Variants in PTCHD4 observed in about 807,000 individuals in gnomAD.
The protein encoded by PTCHD4 is patched domain-containing protein 4.
In PTCHD4, 33 loss-of-function variants were observed where a neutral mutation model predicts 58.1. The ratio of observed to expected loss-of-function variants is 0.57; its 90% CI spans 0.43 to 0.76. PTCHD4 has a LOEUF of 0.76. Among genes scored for constraint, PTCHD4 ranks in the 30% least tolerant of loss-of-function variants. The pLI, the probability that PTCHD4 is intolerant of heterozygous loss-of-function variation, is 0.00. For missense variants in PTCHD4, 1,058 were observed against 1,027.1 expected, an observed-to-expected ratio of 1.03 and a Z score of -0.41; for synonymous variants, 478 against 409.6, an observed-to-expected ratio of 1.17 and a Z score of -2.02.
intron 4 of PTCHD4, among the ~76,000 whole-genome samples, chr6:47,931,065 G>A (rs1310587659): frequency 6.6e-5 from 10 of 152,206 alleles, no homozygotes; most frequent in South Asian, 4.1e-4. Context: ...GATTACAGGC[G>A]TGAGCCACCG....
rs1029256423 is a variant in PTCHD4, at chr6:48,069,551, C to G, written c.-594G>C. On this transcript the variant is annotated 5_prime_UTR_variant, in exon 2 of 5. Coordinates refer to ENST00000339488, the MANE Select transcript of PTCHD4 (RefSeq NM_001384253.1). ...CGCTGTGATTCCACAGACCAGTCCG[C>G]TGCAGCTGAGGGCTGCGGAGACTCC... is the stretch of plus-strand genomic sequence containing the variant. Among the ~76,000 whole-genome samples, 2 of 152,208 alleles carry G rather than the reference C, an allele frequency of 1.3e-5. No individual in the cohort carries two copies. Among genetic ancestry groups the G allele is most frequent in the African/African-American group, 4.8e-5 (2 of 41,454 alleles).
chr6:47,862,260 G>T lies in PTCHD4; in HGVS notation c.*16043C>A, dbSNP rs1581793459. 1.3e-5 allele frequency among the ~76,000 whole-genome samples: 2 copies of T among 151,304 alleles called. No homozygotes were observed. Among genetic ancestry groups the T allele is most frequent in the South Asian group, 2.1e-4 (1 of 4,806 alleles). On this transcript the variant is annotated 3_prime_UTR_variant, in exon 5 of 5. Coordinates refer to ENST00000339488, the MANE Select transcript of PTCHD4 (RefSeq NM_001384253.1). ...TATGGCTTTTTTTTTAATATCTTGG[G>T]TCTGGCGTATATCATAGTTTAGTAG...
intron 3 of PTCHD4, among the ~76,000 whole-genome samples, chr6:48,037,360 C>T (rs1376288298): frequency 6.6e-6 from 1 of 152,164 alleles, no homozygotes; most frequent in Non-Finnish European, 1.5e-5. Flanking sequence ...TCTGACGTTT[C>T]ATGCATCCAC....
intron 4 of PTCHD4, among the ~76,000 whole-genome samples, chr6:47,892,889 G>T (rs1415171138): frequency 2.0e-5 from 3 of 152,188 alleles, no homozygotes; most frequent in Non-Finnish European, 4.4e-5. Flanking sequence ...TGAAGCCAAT[G>T]GAAAACCAGT....
At chr6:48,012,729 T>C (rs1371706050) in intron 3 of PTCHD4, among the ~76,000 whole-genome samples, 1 of 152,228 alleles carries the variant, frequency 6.6e-6, no homozygotes, top group Non-Finnish European at 1.5e-5. Flanking sequence ...ATAGCTCTTA[T>C]TGTTTTGAGA....
intron 4 of PTCHD4, among the ~76,000 whole-genome samples, chr6:47,881,843 A>G (rs913736144): frequency 1.3e-5 from 2 of 152,134 alleles, no homozygotes; most frequent in Admixed American, 6.6e-5. Flanking sequence ...TTATTCTTCA[A>G]AGCTGTCTCT....
At position 48,068,773 on chromosome 6, in the gene PTCHD4, C is replaced by T. The variant is rs976156924; in HGVS notation, c.6-132G>A. 3 of 792,864 alleles carry T rather than the reference C, an allele frequency of 3.8e-6. No homozygotes were observed. Among genetic ancestry groups the T allele is most frequent in the African/African-American group, 3.5e-5 (2 of 57,196 alleles). 49.1% of individuals were successfully genotyped at this position (792,864 alleles called of 1,614,324 possible). A position where few individuals can be genotyped will look rare whatever the true frequency, so the allele number is the denominator to read the frequency against. On this transcript the variant is annotated intron_variant, in intron 2 of 4. Coordinates refer to ENST00000339488, the MANE Select transcript of PTCHD4 (RefSeq NM_001384253.1). This position sits in a 1 kb window ranked among gnomAD's most constrained non-coding sequence, Gnocchi z 4.2. ...CTCCGCGCTCACCCCACAACCACTC[C>T]GCCTGGTCTTTCCCCGGCCCCACCT...
At chr6:48,106,518 A>C (rs922991934) in intron 1 of PTCHD4, among the ~76,000 whole-genome samples, 1 of 152,216 alleles carries the variant, frequency 6.6e-6, no homozygotes, top group African/African-American at 2.4e-5. Context: ...AAAAACTGGA[A>C]GCATTCCCTT....
intron 4 of PTCHD4, among the ~76,000 whole-genome samples, chr6:47,979,702 C>A (rs1424181518): frequency 2.0e-5 from 3 of 151,934 alleles, no homozygotes; most frequent in African/African-American, 7.2e-5. Flanking sequence ...ATTTGATATG[C>A]CATACTTTTA....
chr6:47,992,931 G>C (rs1290953931), intron 4 of PTCHD4, among the ~76,000 whole-genome samples: 1 of 152,146 alleles, frequency 6.6e-6, no homozygotes. Flanking sequence ...TCAATGAGAA[G>C]GGAATACTTG....
chr6:48,058,614 C>T (rs370332777), intron 3 of PTCHD4, among the ~76,000 whole-genome samples: 13 of 152,162 alleles, frequency 8.5e-5, no homozygotes, highest in South Asian at 4.2e-4. Flanking sequence ...AGCCAGCAAA[C>T]GGTAGAGAAC....
rs1180258389 is a variant in PTCHD4 at position 47,868,105 on chromosome 6, C to G, written c.*10198G>C. On this transcript the variant is annotated 3_prime_UTR_variant, in exon 5 of 5. Transcript: ENST00000339488. ...GCCTAACTAAGCTAATGAACAGAAACTAAATAAAAAAAAGGTTTCAGTTCA... is the reference window on the plus strand; with the variant it reads ...GCCTAACTAAGCTAATGAACAGAAAGTAAATAAAAAAAAGGTTTCAGTTCA... 6.6e-6 allele frequency among the ~76,000 whole-genome samples: 1 copy of G among 151,466 alleles called. No homozygotes were observed. Among genetic ancestry groups the G allele is most frequent in the Non-Finnish European group, 1.5e-5 (1 of 67,716 alleles).
At chr6:48,099,858 T>G (rs946636633) in intron 1 of PTCHD4, among the ~76,000 whole-genome samples, 13 of 152,212 alleles carry the variant, frequency 8.5e-5, no homozygotes, top group African/African-American at 2.7e-4. Flanking sequence ...ATGTTTACTA[T>G]GCAAACAAAT....
intron 4 of PTCHD4, among the ~76,000 whole-genome samples, chr6:47,955,694 G>A (rs1230062286): frequency 6.6e-6 from 1 of 152,340 alleles, no homozygotes; most frequent in African/African-American, 2.4e-5. Flanking sequence ...TATTTAGTAA[G>A]AGTAAGGCTT....
At chr6:48,037,092 G>A (rs1763666624) in intron 3 of PTCHD4, among the ~76,000 whole-genome samples, 1 of 152,110 alleles carries the variant, frequency 6.6e-6, no homozygotes, top group East Asian at 1.9e-4. Flanking sequence ...CTGTCACAAT[G>A]ACTGTGCAAT....
chr6:48,072,306 G>A (rs1174570975), intron 1 of PTCHD4, among the ~76,000 whole-genome samples: 1 of 152,050 alleles, frequency 6.6e-6, no homozygotes, highest in Non-Finnish European at 1.5e-5. Flanking sequence ...GATATTTCTG[G>A]ATATTTCTTT....
chr6:48,107,772 C>G (rs530907087), intron 1 of PTCHD4, among the ~76,000 whole-genome samples: 1 of 152,058 alleles, frequency 6.6e-6, no homozygotes, highest in Non-Finnish European at 1.5e-5. Flanking sequence ...CAAACAACCC[C>G]GTCAAAAAGT....
intron 4 of PTCHD4, among the ~76,000 whole-genome samples, chr6:47,952,606 T>C (rs772230988): frequency 2.6e-5 from 4 of 152,114 alleles, no homozygotes; most frequent in Non-Finnish European, 4.4e-5. Context: ...TACAATACCA[T>C]ATTTTTGTTA....
At chr6:47,935,637 C>A (rs1765971693) in intron 4 of PTCHD4, among the ~76,000 whole-genome samples, 1 of 152,006 alleles carries the variant, frequency 6.6e-6, no homozygotes, top group South Asian at 2.1e-4. Flanking sequence ...TCATTTATAT[C>A]TGGTATGCAT....
Sources: gnomAD v4.1 joint callset for allele counts (sites outside exome capture counted in the v4.1 genomes callset) on GRCh38, gnomAD v4.1.1 for gene constraint, Gnocchi (gnomAD v3.1) non-coding constraint, MANE v1.5 for transcripts, NCBI Gene and HGNC (gene_info 2026-07-23, HGNC 2026-07-21) for gene names.